KNTC1: variants seen among roughly 807,000 people sequenced by gnomAD.
KNTC1 encodes the protein kinetochore associated 1.
A neutral mutation model predicts 314.4 loss-of-function variants in KNTC1; 253 were observed. The ratio of observed to expected loss-of-function variants is 0.80; its 90% CI spans 0.73 to 0.89. The LOEUF (loss-of-function observed/expected upper bound fraction) is 0.89, where lower values mean the gene tolerates loss of function less well. Ranked by LOEUF, KNTC1 falls within the 40% of genes least tolerant of loss-of-function variation. The pLI is 0.00. For missense variants in KNTC1, 2,475 were observed against 2,572.9 expected (o/e 0.96, Z 0.82); for synonymous variants, 901 against 901.4 (o/e 1.00, Z 0.01).
intron 51 of KNTC1, among the ~76,000 whole-genome samples, chr12:122,605,875 G>T (rs560412222): frequency 6.6e-6 from 1 of 151,604 alleles, no homozygotes; most frequent in Non-Finnish European, 1.5e-5. Context: ...ACAGAGTTTC[G>T]CTCTGTCACC....
intron 20 of KNTC1, among the ~76,000 whole-genome samples, chr12:122,567,585 T>G (rs1964428797): frequency 6.6e-6 from 1 of 152,154 alleles, no homozygotes; most frequent in Non-Finnish European, 1.5e-5. Context: ...ATGCCTGTAA[T>G]CGCAACACTT....
intron 20 of KNTC1, among the ~76,000 whole-genome samples, chr12:122,563,110 G>A (rs192216919): frequency 8.6e-4 from 131 of 152,134 alleles, no homozygotes; most frequent in African/African-American, 2.9e-3. Flanking sequence ...TTTCTATGAG[G>A]GGTGTTGAGT....
intron 13 of KNTC1, 76 bp from the exon 14 acceptor site, chr12:122,551,243 C>T: frequency 1.1e-6 from 1 of 945,556 alleles, no homozygotes; most frequent in Non-Finnish European, 1.6e-6. Flanking sequence ...CATGCCTGAA[C>T]CAGTAGTTAC....
intron 12 of KNTC1, among the ~76,000 whole-genome samples, chr12:122,549,349 TTTTA>T (rs1396534589): frequency 6.6e-6 from 1 of 150,578 alleles, no homozygotes; most frequent in African/African-American, 2.4e-5. Context: ...GTTTTTTGTT[TTTTA>T]TTTATTTTTA....
rs747232556 is a variant in KNTC1, at chr12:122,577,660, C to G, written c.2722-12C>G. On this transcript the variant is annotated splice_polypyrimidine_tract_variant and intron_variant, in intron 30 of 63. Coordinates refer to ENST00000333479, the MANE Select transcript of KNTC1 (RefSeq NM_014708.6). The stretch of plus-strand genomic sequence containing the variant: ...CCAGCTGTTTTTTCTTCCTTTCAAA[C>G]CCTGTTTATAGGGTGAAGACTGTCT... The G allele has an allele frequency of 3.1e-6, 5 of 1,603,302 alleles. No individual in the cohort carries two copies. The highest frequency in any genetic ancestry group is 3.4e-6 in the Non-Finnish European group (4 of 1,175,514).
At chr12:122,626,111 T>C in intron 63 of KNTC1, 94 bp from the exon 64 acceptor site, 1 of 841,722 alleles carries the variant, frequency 1.2e-6, no homozygotes, top group Middle Eastern at 3.2e-4. Flanking sequence ...TAGATTTGTA[T>C]CACTTCACTT....
chr12:122,585,850 G>A, intron 37 of KNTC1, 76 bp downstream of exon 37: 2 of 1,403,712 alleles, frequency 1.4e-6, no homozygotes, highest in Non-Finnish European at 2.0e-6. Context: ...TTTGGAGCTA[G>A]AACTACACAC....
chr12:122,602,926 G>T lies in KNTC1; in HGVS notation c.4884+39G>T, dbSNP rs567299717. 5 of 1,556,830 alleles carry T rather than the reference G, an allele frequency of 3.2e-6. No homozygotes were observed. The East Asian group carries it at 1.1e-4, about 35-fold the overall frequency. ...ACATTGTAAGACATTTCTGTATCCT[G>T]CAATTAATTCTGACCCCGTATAGAA... On this transcript the variant is annotated intron_variant, in intron 47 of 63. Coordinates refer to ENST00000333479, the MANE Select transcript of KNTC1 (RefSeq NM_014708.6).
At chr12:122,572,464 G>A (rs959609495) in intron 24 of KNTC1, among the ~76,000 whole-genome samples, 1 of 152,130 alleles carries the variant, frequency 6.6e-6, no homozygotes, top group East Asian at 1.9e-4. Flanking sequence ...CAAAGGTTGT[G>A]TCTGTCAAGT....
At chr12:122,561,051 C>A (rs1172710234) in intron 18 of KNTC1, among the ~76,000 whole-genome samples, 1 of 152,116 alleles carries the variant, frequency 6.6e-6, no homozygotes, top group Non-Finnish European at 1.5e-5. Flanking sequence ...GTGGCTCATG[C>A]CTATAATCCT....
chr12:122,561,207 T>A (rs1963945299), intron 18 of KNTC1, among the ~76,000 whole-genome samples: 1 of 151,494 alleles, frequency 6.6e-6, no homozygotes, highest in South Asian at 2.1e-4. Context: ...CCCAGCTACT[T>A]GGAAGGCTGA....
chr12:122,558,870 A>G (rs1440874168), intron 18 of KNTC1, among the ~76,000 whole-genome samples: 1 of 152,146 alleles, frequency 6.6e-6, no homozygotes, highest in Non-Finnish European at 1.5e-5. Flanking sequence ...GACTCTTATC[A>G]AAAAACAAAA....
At chr12:122,574,612 C>T (rs1023744324) in intron 27 of KNTC1, among the ~76,000 whole-genome samples, 1 of 152,220 alleles carries the variant, frequency 6.6e-6, no homozygotes, top group African/African-American at 2.4e-5. Flanking sequence ...GCGTGTGCCA[C>T]TACGCCCAGC....
chr12:122,594,442 C>A, intron 43 of KNTC1, 57 bp downstream of exon 43: 1 of 955,618 alleles, frequency 1.0e-6, no homozygotes, highest in Non-Finnish European at 1.7e-6. Flanking sequence ...AATTCTTTTG[C>A]AAGAACACAG....
At position 122,559,935 on chromosome 12, in the gene KNTC1, G is replaced by T. The variant is rs184567819; in HGVS notation, c.1489-1986G>T. On this transcript the variant is annotated intron_variant, in intron 18 of 63. Transcript: ENST00000333479. ...ACATTCATAATCACATTCGGCCATC[G>T]TCCATCTCCCCAACTCTTTTCATCG... Among the ~76,000 whole-genome samples, 7 of 152,052 alleles carry T rather than the reference G, an allele frequency of 4.6e-5. No individual in the cohort carries two copies. In the East Asian group the frequency reaches 1.2e-3, roughly 25 times the overall value.
chr12:122,624,007 G>T (rs112327013), intron 62 of KNTC1, among the ~76,000 whole-genome samples: 3,569 of 152,244 alleles, frequency 0.023, 130 homozygotes, highest in African/African-American at 0.079. Flanking sequence ...GGTGGAGGTT[G>T]CAGTGAGCCG....
chr12:122,552,308 C>T lies in KNTC1; in HGVS notation c.1272+612C>T, dbSNP rs1432451190. ...AGAATGAGGGGGACTTGTGATGCTT[C>T]AGGAACTCCTGCTGATTAGGTGGGA... On this transcript the variant is annotated intron_variant, in intron 16 of 63. Transcript: ENST00000333479. 2.6e-5 allele frequency among the ~76,000 whole-genome samples: 4 copies of T among 152,078 alleles called. 1 individual carries two copies. In the East Asian group the frequency reaches 5.8e-4, roughly 22 times the overall value.
rs1300386943 is a variant in KNTC1, at chr12:122,624,622, A to G, written c.6540A>G (p.Ile2180Met). Residue 2180 changes from isoleucine to methionine, a missense_variant, in exon 63 of 64, where the codon ATA becomes ATG. Coordinates refer to ENST00000333479, the MANE Select transcript of KNTC1 (RefSeq NM_014708.6). ...GTTTAGATGAAGCTTCAGTCTTGAT[A>G]ACTGAATATTCAAAGCACTGCGGGA... The part of the protein sequence containing the change: ...DLSLDEASVL[I>M]TEYSKHCGKP... 1.2e-6 allele frequency: 2 copies of G among 1,612,314 alleles called. No homozygotes were observed. Among genetic ancestry groups the G allele is most frequent in the Non-Finnish European group, 1.7e-6 (2 of 1,178,484 alleles).
intron 5 of KNTC1, among the ~76,000 whole-genome samples, chr12:122,541,614 G>A (rs558721504): frequency 6.6e-6 from 1 of 151,316 alleles, no homozygotes; most frequent in African/African-American, 2.4e-5. Flanking sequence ...CAAAGTGTTG[G>A]CATTACAGGC....
Sources: allele counts gnomAD v4.1 joint callset (sites outside exome capture counted in the v4.1 genomes callset), GRCh38; gene constraint gnomAD v4.1.1; transcripts MANE v1.5; gene names NCBI Gene and HGNC (gene_info 2026-07-23, HGNC 2026-07-21).